The following DDX60L variants were observed in gnomAD, a reference collection of about 807,000 sequenced individuals.
DDX60L encodes DExD/H-box 60 like, also known as probable ATP-dependent RNA helicase DDX60-like.
Under a neutral mutation model 211.6 loss-of-function variants are expected in DDX60L, and 191 were observed. The ratio of observed to expected loss-of-function variants is 0.90; its 90% CI spans 0.80 to 1.02. The LOEUF (loss-of-function observed/expected upper bound fraction) is 1.02. Ranked by LOEUF, DDX60L falls within the 50% of genes least tolerant of loss-of-function variation. DDX60L has a pLI of 0.00. For synonymous variants in DDX60L, 706 were observed against 694.1 expected, an observed-to-expected ratio of 1.02 and a Z score of -0.27; for missense variants, 2,007 against 1,984.1, an observed-to-expected ratio of 1.01 and a Z score of -0.22.
At position 168,453,304 on chromosome 4, in the gene DDX60L, A is replaced by C. The variant is rs577135279; in HGVS notation, c.838-22T>G. The stretch of plus-strand genomic sequence containing the variant: ...GCACCTGCGTACAATAAAGAAGATG[A>C]GAACAGTCACAATGTCACGCTGTGA... On this transcript the variant is annotated intron_variant, in intron 7 of 37. Coordinates refer to ENST00000682922, the MANE Select transcript of DDX60L (RefSeq NM_001012967.3). 7 of 1,597,818 alleles carry C rather than the reference A, an allele frequency of 4.4e-6. 1 individual carries two copies. In the South Asian group the frequency reaches 6.8e-5, roughly 16 times the overall value.
intron 34 of DDX60L, among the ~76,000 whole-genome samples, chr4:168,374,142 G>A (rs369272677): frequency 7.5e-4 from 114 of 151,746 alleles, no homozygotes; most frequent in African/African-American, 2.2e-3. Flanking sequence ...CAGAGGTTCT[G>A]TCCAGCGAGT....
At chr4:168,361,748 T>G (rs1007615894) in intron 36 of DDX60L, among the ~76,000 whole-genome samples, 10 of 152,174 alleles carry the variant, frequency 6.6e-5, no homozygotes, top group Admixed American at 6.5e-5. Context: ...TCCAGCGGTT[T>G]CCACAGCCAT....
intron 3 of DDX60L, among the ~76,000 whole-genome samples, chr4:168,472,167 G>A (rs1242029505): frequency 6.6e-6 from 1 of 152,174 alleles, no homozygotes; most frequent in Non-Finnish European, 1.5e-5. Context: ...ATTATCCAAT[G>A]CTAAATGGCA....
At chr4:168,436,188 G>A (rs79907656) in intron 10 of DDX60L, among the ~76,000 whole-genome samples, 20,284 of 152,206 alleles carry the variant, frequency 0.13, 1,889 homozygotes, top group Non-Finnish European at 0.19. Context: ...TATTGGAGCC[G>A]AGAATAAGAG....
intron 28 of DDX60L, among the ~76,000 whole-genome samples, 179 bp from the exon 29 acceptor site, chr4:168,391,823 T>A (rs116594113): frequency 6.6e-6 from 1 of 152,210 alleles, no homozygotes; most frequent in Non-Finnish European, 1.5e-5. Flanking sequence ...AGAACATTGC[T>A]ACTTCAGCAT....
At chr4:168,417,878 C>T (rs1299012414) in intron 19 of DDX60L, among the ~76,000 whole-genome samples, 5 of 152,140 alleles carry the variant, frequency 3.3e-5, no homozygotes, top group Admixed American at 1.3e-4. Context: ...GTAATAAATA[C>T]ATAAAGAAGA....
chr4:168,430,685 C>T (rs986594053), intron 12 of DDX60L, 47 bp from the exon 13 acceptor site: 11 of 1,387,890 alleles, frequency 7.9e-6, no homozygotes, highest in Middle Eastern at 2.2e-4. Flanking sequence ...TAAAATATTG[C>T]TATATATGTG....
rs368290897 is a variant in DDX60L, at chr4:168,395,955, G to A, written c.3657+4C>T. ...CGTATTATATTAATAATTCTCTGAC[G>A]TACTGAGTCTTTATTCCTGGTAATT... On this transcript the variant is annotated splice_donor_region_variant and intron_variant, in intron 27 of 37. Transcript: ENST00000682922. 5.5e-5 allele frequency: 86 copies of A among 1,576,688 alleles called. 1 individual carries two copies. Among genetic ancestry groups the A allele is most frequent in the Middle Eastern group, 3.5e-4 (2 of 5,716 alleles).
At chr4:168,480,103 GC>G (rs1760228480) in intron 1 of DDX60L, 1 of 152,324 alleles carries the variant, frequency 6.6e-6, no homozygotes, top group South Asian at 2.1e-4. Context: ...TTTCTCCTCA[GC>G]ACCCCAGATC....
At chr4:168,386,498 T>C (rs553882386) in intron 29 of DDX60L, among the ~76,000 whole-genome samples, 25 of 151,776 alleles carry the variant, frequency 1.6e-4, no homozygotes, top group Admixed American at 1.3e-3. Context: ...TTTTAGGCGG[T>C]CTTCATAATA....
At chr4:168,382,031 T>C (rs559761649) in intron 30 of DDX60L, among the ~76,000 whole-genome samples, 2 of 152,258 alleles carry the variant, frequency 1.3e-5, no homozygotes, top group African/African-American at 4.8e-5. Context: ...CCTGACTCAT[T>C]ACAGGGTTCT....
chr4:168,471,957 A>T, intron 3 of DDX60L, 21 bp from the exon 4 acceptor site: 1 of 1,532,752 alleles, frequency 6.5e-7, no homozygotes, highest in Non-Finnish European at 8.9e-7. Flanking sequence ...AATCAAAGAG[A>T]ATAAAAATCA....
chr4:168,453,224 A>T lies in DDX60L; in HGVS notation c.896T>A (p.Leu299His). The T allele has an allele frequency of 6.2e-7, 1 of 1,613,288 alleles. No individual in the cohort carries two copies. Among genetic ancestry groups the T allele is most frequent in the Non-Finnish European group, 8.5e-7 (1 of 1,179,486 alleles). Residue 299 changes from leucine to histidine, a missense_variant, in exon 8 of 38, where the codon CTC becomes CAC. Leu to His is a moderately conservative substitution (Grantham distance 99). Transcript: ENST00000682922. ...TAAGTGGAGTTGAAAAGCCACACAG[A>T]GGCAACGCAGTCTGCAGAAATCTTC... ...EVEDFCRLRC[L>H]CVAFQLHLPL...
chr4:168,385,025 C>T (rs1743622036), intron 29 of DDX60L, among the ~76,000 whole-genome samples: 1 of 152,102 alleles, frequency 6.6e-6, no homozygotes, highest in African/African-American at 2.4e-5. Context: ...GTCTTTGGCC[C>T]CAGTTGCTGG....
chr4:168,413,715 A>G (rs1485093035), intron 22 of DDX60L, among the ~76,000 whole-genome samples: 1 of 152,052 alleles, frequency 6.6e-6, no homozygotes, highest in Non-Finnish European at 1.5e-5. Context: ...TAAAAATGAT[A>G]AAAGCATTCC....
chr4:168,405,585 G>A (rs983505850), intron 24 of DDX60L, among the ~76,000 whole-genome samples: 1 of 152,004 alleles, frequency 6.6e-6, no homozygotes, highest in African/African-American at 2.4e-5. Context: ...TCTTAGATTA[G>A]CCCCTGTACT....
intron 35 of DDX60L, among the ~76,000 whole-genome samples, chr4:168,371,992 C>T (rs914014506): frequency 6.6e-6 from 1 of 152,028 alleles, no homozygotes; most frequent in South Asian, 2.1e-4. Flanking sequence ...AAGCATGCCT[C>T]GGGAATGGGC....
intron 36 of DDX60L, among the ~76,000 whole-genome samples, chr4:168,363,502 A>G (rs1337338211): frequency 6.6e-6 from 1 of 152,220 alleles, no homozygotes; most frequent in Non-Finnish European, 1.5e-5. Context: ...CAACACCTAC[A>G]ATTAATGACT....
chr4:168,371,166 T>TTAACG (rs1740948393), intron 36 of DDX60L, among the ~76,000 whole-genome samples: 1 of 151,542 alleles, frequency 6.6e-6, no homozygotes, highest in South Asian at 2.1e-4. Context: ...TAATGAATAA[T>TTAACG]TAGTGTAACG....
Sources: gnomAD v4.1 joint callset for allele counts (sites outside exome capture counted in the v4.1 genomes callset) on GRCh38, gnomAD v4.1.1 for gene constraint, MANE v1.5 for transcripts, NCBI Gene and HGNC (gene_info 2026-07-23, HGNC 2026-07-21) for gene names.